The following USP13 variants were observed in gnomAD, a reference collection of about 807,000 sequenced individuals.
USP13 encodes ubiquitin carboxyl-terminal hydrolase 13.
USP13 carries 68 observed loss-of-function variants against 107.8 expected under a neutral mutation model. The observed-to-expected ratio is 0.63, with a 90% confidence interval of 0.52 to 0.77. USP13 has a LOEUF of 0.77. USP13 is among the 30% of genes least tolerant of loss of function. The probability of loss-of-function intolerance (pLI) is 0.00; values close to 1 mark genes in which losing one functional copy is unlikely to be tolerated. For synonymous variants in USP13, 377 were observed against 389.5 expected (o/e 0.97, Z 0.38); for missense variants, 945 against 1,093.3 (o/e 0.86, Z 1.91).
intron 1 of USP13, among the ~76,000 whole-genome samples, chr3:179,669,469 A>C (rs1720681717): frequency 6.6e-6 from 1 of 151,966 alleles, no homozygotes; most frequent in Non-Finnish European, 1.5e-5. Flanking sequence ...AAAAAAAAAA[A>C]ATTAAATAAA....
At chr3:179,665,562 C>A (rs186255212) in intron 1 of USP13, among the ~76,000 whole-genome samples, 2 of 152,042 alleles carry the variant, frequency 1.3e-5, no homozygotes, top group African/African-American at 4.8e-5. Context: ...TGAAGTTAGA[C>A]CCTGCAGCAC....
chr3:179,701,853 G>A (rs1712535361), intron 4 of USP13, among the ~76,000 whole-genome samples: 1 of 152,148 alleles, frequency 6.6e-6, no homozygotes, highest in Admixed American at 6.5e-5. Context: ...TGCTGGTAGT[G>A]ATAGAGGGAA....
intron 1 of USP13, among the ~76,000 whole-genome samples, chr3:179,658,121 AT>A (rs539254138): frequency 1.2e-4 from 18 of 151,866 alleles, no homozygotes; most frequent in African/African-American, 2.9e-4. Flanking sequence ...CGCCTGGCTA[AT>A]TTTTTGTATT....
chr3:179,788,633 A>T lies in USP13; in HGVS notation c.*4492A>T, dbSNP rs1439878952. On this transcript the variant is annotated 3_prime_UTR_variant, in exon 21 of 21. Transcript: ENST00000263966. ...AAAATATTAACAATTTAATATATTT[A>T]TATAATTGAAATTAAAATTCTTTTC... The T allele has an allele frequency of 1.3e-5, 2 of 152,230 alleles. No individual in the cohort carries two copies. Among genetic ancestry groups the T allele is most frequent in the Non-Finnish European group, 2.9e-5 (2 of 68,044 alleles). The allele number at this position is 152,230 out of a possible 1,614,324, so 9.4% of individuals were successfully genotyped here. A position where few individuals can be genotyped will look rare whatever the true frequency, so the allele number is the denominator to read the frequency against.
chr3:179,679,076 A>ACTGTTTATATCCTC (rs1167743077), intron 1 of USP13, among the ~76,000 whole-genome samples: 1 of 152,154 alleles, frequency 6.6e-6, no homozygotes, highest in East Asian at 1.9e-4. Flanking sequence ...TTGTGAGAGG[A>ACTGTTTATATCCTC]CTGTTTATAT....
intron 1 of USP13, among the ~76,000 whole-genome samples, chr3:179,670,613 A>T (rs1049794440): frequency 2.0e-5 from 3 of 152,126 alleles, no homozygotes; most frequent in African/African-American, 7.2e-5. Flanking sequence ...GAATTTCCTC[A>T]GCTACAAATC....
intron 11 of USP13, among the ~76,000 whole-genome samples, chr3:179,741,082 C>CT (rs79494639): frequency 1.4e-3 from 197 of 144,400 alleles, no homozygotes; most frequent in South Asian, 4.7e-3. Context: ...TGAGTAAAGC[C>CT]TTTTTTTTTT....
At position 179,730,097 on chromosome 3, in the gene USP13, G is replaced by T. The variant is rs74668648; in HGVS notation, c.1089-92G>T. 8,466 of 1,177,410 alleles carry T rather than the reference G, an allele frequency of 7.2e-3. 433 individuals carry two copies. The African/African-American group carries it at 0.11, about 16-fold the overall frequency. The allele number at this position is 1,177,410 out of a possible 1,614,324, so 72.9% of individuals were successfully genotyped here. ...GTAGATTGTTTAGTTTGACAAAGGG[G>T]CAAGAAGGTCTTAGCAAGAATTTTG... On this transcript the variant is annotated intron_variant, in intron 8 of 20. Coordinates refer to ENST00000263966, the MANE Select transcript of USP13 (RefSeq NM_003940.3).
chr3:179,772,333 A>G (rs776004077), intron 19 of USP13, among the ~76,000 whole-genome samples: 14 of 152,242 alleles, frequency 9.2e-5, no homozygotes, highest in Non-Finnish European at 1.8e-4. Flanking sequence ...TAAGAAAAGA[A>G]CTCACTGATT....
intron 8 of USP13, among the ~76,000 whole-genome samples, chr3:179,723,988 A>T (rs1439271413): frequency 6.6e-6 from 1 of 151,038 alleles, no homozygotes; most frequent in Admixed American, 6.6e-5. Flanking sequence ...TCCCATCCCT[A>T]CAAAAATTTA....
At chr3:179,682,596 A>G (rs1711706525) in intron 2 of USP13, among the ~76,000 whole-genome samples, 1 of 152,172 alleles carries the variant, frequency 6.6e-6, no homozygotes, top group African/African-American at 2.4e-5. Flanking sequence ...TCCCCTCGGC[A>G]TCCAAATGTT....
Position 179,745,147 on chromosome 3 carries a change from G to T in USP13, c.1639G>T (p.Ala547Ser). The change falls in exon 13 of 21, where the codon GCC (alanine) becomes TCC (serine). Residue 547 changes from alanine to serine, a missense_variant. Coordinates refer to ENST00000263966, the MANE Select transcript of USP13 (RefSeq NM_003940.3). The part of the protein sequence containing the change: ...AKIPFSACLQ[A>S]FSEPENVDDF... The stretch of plus-strand genomic sequence containing the variant: ...GATACCATTTAGTGCCTGCCTTCAG[G>T]CCTTCTCTGAACCAGAAAATGTTGA... The T allele has an allele frequency of 2.5e-6, 4 of 1,614,100 alleles. No individual in the cohort carries two copies. Among genetic ancestry groups the T allele is most frequent in the Non-Finnish European group, 3.4e-6 (4 of 1,180,026 alleles).
At chr3:179,706,643 C>G (rs977201984) in intron 4 of USP13, among the ~76,000 whole-genome samples, 1 of 152,180 alleles carries the variant, frequency 6.6e-6, no homozygotes, top group African/African-American at 2.4e-5. Flanking sequence ...ACTTTTCACC[C>G]TGCTTGCTAA....
At chr3:179,726,960 G>T (rs1302174768) in intron 8 of USP13, among the ~76,000 whole-genome samples, 1 of 151,936 alleles carries the variant, frequency 6.6e-6, no homozygotes, top group Non-Finnish European at 1.5e-5. Flanking sequence ...ATTACAGGTG[G>T]CTTGGAGACT....
At chr3:179,722,952 T>G (rs1713379057) in intron 8 of USP13, among the ~76,000 whole-genome samples, 2 of 152,188 alleles carry the variant, frequency 1.3e-5, no homozygotes, top group Admixed American at 1.3e-4. Context: ...TTTTCTTCCT[T>G]GGGTGTACTG....
At chr3:179,746,219 T>C (rs1226356879) in intron 13 of USP13, among the ~76,000 whole-genome samples, 1 of 147,328 alleles carries the variant, frequency 6.8e-6, no homozygotes. Context: ...AATGTATATA[T>C]ATAAAATTTT....
intron 2 of USP13, among the ~76,000 whole-genome samples, chr3:179,684,070 C>T (rs571800275): frequency 2.0e-5 from 3 of 151,770 alleles, no homozygotes; most frequent in African/African-American, 7.3e-5. Context: ...AAGTGATTCT[C>T]CTGCCTCAGC....
chr3:179,659,280 T>C (rs1720385547), intron 1 of USP13, among the ~76,000 whole-genome samples: 1 of 152,218 alleles, frequency 6.6e-6, no homozygotes, highest in South Asian at 2.1e-4. Context: ...TCCTCTGTCT[T>C]TCTGTCCTTT....
At position 179,781,867 on chromosome 3, in the gene USP13, G is replaced by A. The variant is rs373632863; in HGVS notation, c.2498+44G>A. 8.3e-5 allele frequency: 127 copies of A among 1,526,718 alleles called. No individual in the cohort carries two copies. The African/African-American group carries it at 1.4e-3, about 17-fold the overall frequency. The allele number at this position is 1,526,718 out of a possible 1,614,324, so 94.6% of individuals were successfully genotyped here. A position where few individuals can be genotyped will look rare whatever the true frequency, so the allele number is the denominator to read the frequency against. On this transcript the variant is annotated intron_variant, in intron 20 of 20. Coordinates refer to ENST00000263966, the MANE Select transcript of USP13 (RefSeq NM_003940.3). ...GTAAATGTTAGCTGTGATTTATTGA[G>A]TACCTACTATATGCCAGGCACTCTC...
Sources: allele counts gnomAD v4.1 joint callset (sites outside exome capture counted in the v4.1 genomes callset), GRCh38; gene constraint gnomAD v4.1.1; transcripts MANE v1.5; gene names NCBI Gene and HGNC (gene_info 2026-07-23, HGNC 2026-07-21).